Variants in FRAS1 observed in about 807,000 individuals in gnomAD.
FRAS1 encodes Fraser extracellular matrix complex subunit 1, also known as extracellular matrix organizing protein FRAS1.
FRAS1 carries 290 observed loss-of-function variants against 435.2 expected under a neutral mutation model. The ratio of observed to expected loss-of-function variants is 0.67; its 90% CI spans 0.61 to 0.73. The LOEUF is 0.73. Among genes scored for constraint, FRAS1 ranks in the 30% least tolerant of loss-of-function variants. The probability of loss-of-function intolerance (pLI) is 0.00; values close to 1 mark genes in which losing one functional copy is unlikely to be tolerated. For synonymous variants in FRAS1, 1,800 were observed against 1,851.0 expected (o/e 0.97, Z 0.71); for missense variants, 4,860 against 5,001.5 (o/e 0.97, Z 0.85).
At chr4:78,515,067 C>CA (rs34507669) in intron 65 of FRAS1, among the ~76,000 whole-genome samples, 62,252 of 136,502 alleles carry the variant, frequency 0.46, 15,379 homozygotes, top group Admixed American at 0.55. Flanking sequence ...GACTCCATCT[C>CA]AAAAAAAAAA....
intron 60 of FRAS1, among the ~76,000 whole-genome samples, chr4:78,497,503 T>C (rs755916694): frequency 3.9e-5 from 6 of 152,202 alleles, no homozygotes; most frequent in African/African-American, 7.2e-5. Flanking sequence ...CTAAAATAGA[T>C]ATTTTAATGA....
intron 14 of FRAS1, among the ~76,000 whole-genome samples, 188 bp from the exon 15 acceptor site, chr4:78,307,878 C>A (rs1560643740): frequency 6.6e-6 from 1 of 152,160 alleles, no homozygotes; most frequent in Non-Finnish European, 1.5e-5. Flanking sequence ...CTTGGCTCCT[C>A]CCCCTAGAAA....
intron 29 of FRAS1, among the ~76,000 whole-genome samples, chr4:78,388,501 C>A (rs74641340): frequency 2.6e-5 from 4 of 151,334 alleles, no homozygotes; most frequent in Non-Finnish European, 5.9e-5. Context: ...GAGTAGGAGC[C>A]AATAAAGAGC....
rs1382593872 is a variant in FRAS1, at chr4:78,106,202, G to A, written c.108+40186G>A. 2.1e-5 allele frequency among the ~76,000 whole-genome samples: 2 copies of A among 95,496 alleles called. 1 individual carries two copies. Among genetic ancestry groups the A allele is most frequent in the African/African-American group, 7.8e-5 (2 of 25,568 alleles). The allele number at this position is 95,496 out of a possible 152,430, so 62.6% of individuals were successfully genotyped here. On this transcript the variant is annotated intron_variant, in intron 2 of 73. Coordinates refer to ENST00000512123, the MANE Select transcript of FRAS1 (RefSeq NM_025074.7). ...GCCCGCCATTGCCCAGGCTTGCTTA[G>A]GTAAACAAAGCAGCTGGGAAGCTCG...
chr4:78,322,676 A>G (rs1400194176), intron 18 of FRAS1, among the ~76,000 whole-genome samples: 1 of 152,182 alleles, frequency 6.6e-6, no homozygotes, highest in Non-Finnish European at 1.5e-5. Context: ...TGAAAAAACA[A>G]TACTACAGAT....
intron 18 of FRAS1, among the ~76,000 whole-genome samples, chr4:78,327,995 A>G (rs1729786900): frequency 2.0e-5 from 3 of 152,188 alleles, no homozygotes. Flanking sequence ...CACAGCAACT[A>G]ACTAGTTCAT....
chr4:78,363,823 G>A (rs1205782989), intron 21 of FRAS1, 85 bp from the exon 22 acceptor site: 10 of 1,494,410 alleles, frequency 6.7e-6, no homozygotes, highest in Non-Finnish European at 9.1e-6. Context: ...TCTCAGTGTT[G>A]GGACTTTATT....
chr4:78,284,477 A>G lies in FRAS1; in HGVS notation c.1328A>G (p.Lys443Arg). 6.2e-7 allele frequency: 1 copy of G among 1,613,772 alleles called. No individual in the cohort carries two copies. The highest frequency in any genetic ancestry group is 8.5e-7 in the Non-Finnish European group (1 of 1,179,800). Residue 443 changes from lysine to arginine, a missense_variant, in exon 13 of 74, where the codon AAG (lysine) becomes AGG (arginine). Transcript: ENST00000512123. ...DHCDLCQDPT[K>R]LLQNGWCVHS... ...TGTGACCTCTGCCAAGATCCTACCA[A>G]GTTACTGCAGAATGGATGGTGTGTG... is the stretch of plus-strand genomic sequence containing the variant.
chr4:78,193,050 C>T (rs1471863081), intron 2 of FRAS1, among the ~76,000 whole-genome samples: 1 of 152,170 alleles, frequency 6.6e-6, no homozygotes, highest in Non-Finnish European at 1.5e-5. Flanking sequence ...CATTCAGGAG[C>T]AGGTTATTTA....
At chr4:78,094,758 A>G (rs1384632170) in intron 2 of FRAS1, among the ~76,000 whole-genome samples, 1 of 152,144 alleles carries the variant, frequency 6.6e-6, no homozygotes, top group Non-Finnish European at 1.5e-5. Flanking sequence ...AGTATAAAGT[A>G]CCATTAGTAG....
intron 64 of FRAS1, among the ~76,000 whole-genome samples, chr4:78,512,559 C>T (rs1431767690): frequency 1.3e-5 from 2 of 152,148 alleles, no homozygotes; most frequent in African/African-American, 4.8e-5. Flanking sequence ...GCAGTCTTAA[C>T]CAATATTTAT....
intron 2 of FRAS1, among the ~76,000 whole-genome samples, chr4:78,229,764 T>A (rs2110106301): frequency 6.6e-6 from 1 of 151,828 alleles, no homozygotes; most frequent in Middle Eastern, 3.4e-3. Context: ...TCCTATTAGC[T>A]CCTAATAGCT....
intron 2 of FRAS1, among the ~76,000 whole-genome samples, chr4:78,172,623 C>T (rs374221360): frequency 2.6e-5 from 4 of 152,098 alleles, no homozygotes; most frequent in Non-Finnish European, 5.9e-5. Context: ...TCATATTTCA[C>T]TCTGACACTA....
intron 57 of FRAS1, 95 bp from the exon 58 acceptor site, chr4:78,482,293 C>G: frequency 1.4e-6 from 2 of 1,401,884 alleles, no homozygotes; most frequent in Non-Finnish European, 2.0e-6. Context: ...TTTAAAACCA[C>G]CAAAGACAGG....
chr4:78,435,325 G>A (rs1345110814), intron 38 of FRAS1, among the ~76,000 whole-genome samples: 1 of 152,114 alleles, frequency 6.6e-6, no homozygotes, highest in African/African-American at 2.4e-5. Flanking sequence ...TATTAGGAGG[G>A]CAAGGGGATT....
chr4:78,303,989 G>T (rs1345921806), intron 14 of FRAS1, among the ~76,000 whole-genome samples: 1 of 151,626 alleles, frequency 6.6e-6, no homozygotes, highest in African/African-American at 2.4e-5. Context: ...ATTGGCTGTG[G>T]GTTTGTCATA....
Position 78,255,299 on chromosome 4 carries a change from G to A in FRAS1, c.527G>A (p.Arg176Gln), listed in dbSNP as rs183328334. 8.0e-4 allele frequency: 1,256 copies of A among 1,561,492 alleles called. 5 individuals carry two copies. The highest frequency in any genetic ancestry group is 2.7e-3 in the Middle Eastern group (16 of 6,000). Reference sequence around the variant, plus strand: ...GATGGGGAGGACTGGCGGCTGAGCCGGTGTGCCAAATGTCTGTGTAGAAAT... The same window carrying A: ...GATGGGGAGGACTGGCGGCTGAGCCAGTGTGCCAAATGTCTGTGTAGAAAT... Reference protein sequence around the residue: ...FQDGEDWRLSRCAKCLCRNGV... With the variant: ...FQDGEDWRLSQCAKCLCRNGV... The change falls in exon 6 of 74, where the codon CGG becomes CAG. Residue 176 changes from arginine (R) to glutamine (Q), a missense_variant. Physicochemically the swap from Arg to Gln is conservative, Grantham distance 43. Coordinates refer to ENST00000512123, the MANE Select transcript of FRAS1 (RefSeq NM_025074.7).
intron 2 of FRAS1, among the ~76,000 whole-genome samples, chr4:78,208,701 C>T (rs1723370351): frequency 6.6e-6 from 1 of 152,010 alleles, no homozygotes; most frequent in South Asian, 2.1e-4. Context: ...GTTTTCAAAA[C>T]TTCATTGTTT....
intron 2 of FRAS1, among the ~76,000 whole-genome samples, chr4:78,119,672 ACTTTAC>A (rs1718900393): frequency 6.6e-6 from 1 of 152,168 alleles, no homozygotes. Context: ...CCTAATCCTG[ACTTTAC>A]CTTATAGTTT....
Sources: allele counts gnomAD v4.1 joint callset (sites outside exome capture counted in the v4.1 genomes callset), GRCh38; gene constraint gnomAD v4.1.1; transcripts MANE v1.5; gene names NCBI Gene and HGNC (gene_info 2026-07-23, HGNC 2026-07-21).